The following CNTNAP2 variants were observed in gnomAD, a reference collection of about 807,000 sequenced individuals.
CNTNAP2 encodes contactin associated protein 2, also known as contactin-associated protein-like 2.
CNTNAP2 carries 98 observed loss-of-function variants against 155.2 expected under a neutral mutation model. The ratio of observed to expected loss-of-function variants is 0.63; its 90% confidence interval spans 0.54 to 0.75. The LOEUF is 0.75. Ranked by LOEUF, CNTNAP2 falls within the 30% of genes least tolerant of loss-of-function variation. The probability of loss-of-function intolerance (pLI) is 0.00; values close to 1 mark genes in which losing one functional copy is unlikely to be tolerated. For synonymous variants in CNTNAP2, 651 were observed against 631.2 expected, an observed-to-expected ratio of 1.03 and a Z score of -0.47; for missense variants, 1,727 against 1,688.1, an observed-to-expected ratio of 1.02 and a Z score of -0.40.
At chr7:146,743,566 T>A (rs1044886536) in intron 1 of CNTNAP2, among the ~76,000 whole-genome samples, 1 of 147,948 alleles carries the variant, frequency 6.8e-6, no homozygotes, top group African/African-American at 2.7e-5. Flanking sequence ...CTCCTGCCTA[T>A]GCAGTGACTT....
intron 21 of CNTNAP2, among the ~76,000 whole-genome samples, chr7:148,325,961 C>T (rs557314800): frequency 6.6e-6 from 1 of 152,198 alleles, no homozygotes; most frequent in East Asian, 1.9e-4. Flanking sequence ...CTGAGCATGC[C>T]CCAGGTGAAA....
intron 10 of CNTNAP2, among the ~76,000 whole-genome samples, chr7:147,454,871 C>T (rs1313292823): frequency 6.6e-6 from 1 of 152,054 alleles, no homozygotes; most frequent in Non-Finnish European, 1.5e-5. Context: ...TTTAATAACA[C>T]TAGGTCTGCC....
intron 8 of CNTNAP2, among the ~76,000 whole-genome samples, chr7:147,262,000 A>G (rs963946053): frequency 3.3e-5 from 5 of 152,344 alleles, no homozygotes; most frequent in African/African-American, 1.2e-4. Context: ...TTCTCATTAT[A>G]TTCATCTAAA....
intron 13 of CNTNAP2, among the ~76,000 whole-genome samples, chr7:147,688,397 T>C (rs774422387): frequency 6.6e-6 from 1 of 152,154 alleles, no homozygotes; most frequent in Non-Finnish European, 1.5e-5. Flanking sequence ...AATGCAAGCA[T>C]GCATGCTAAC....
chr7:148,064,991 A>G (rs568069537), intron 15 of CNTNAP2, among the ~76,000 whole-genome samples: 3 of 152,202 alleles, frequency 2.0e-5, no homozygotes, highest in Admixed American at 2.0e-4. Context: ...AGGTTGTGTC[A>G]TTATTATCAT....
intron 15 of CNTNAP2, among the ~76,000 whole-genome samples, chr7:148,039,481 G>T (rs1029507916): frequency 1.3e-5 from 2 of 151,982 alleles, no homozygotes; most frequent in African/African-American, 4.8e-5. Context: ...AACTCTCCAG[G>T]TATTTCTTAA....
chr7:147,426,852 T>C (rs1003169010), intron 10 of CNTNAP2, among the ~76,000 whole-genome samples: 1 of 152,142 alleles, frequency 6.6e-6, no homozygotes, highest in Admixed American at 6.5e-5. Flanking sequence ...GATGGATGAA[T>C]ACTCTTATAC....
At chr7:148,337,732 G>A (rs2373349) in intron 21 of CNTNAP2, among the ~76,000 whole-genome samples, 49,739 of 151,774 alleles carry the variant, frequency 0.33, 8,227 homozygotes, top group East Asian at 0.52. Context: ...TTGGCCCTGC[G>A]CCATGCAGAG....
chr7:148,182,777 C>G (rs1339928656), intron 18 of CNTNAP2, among the ~76,000 whole-genome samples: 1 of 152,156 alleles, frequency 6.6e-6, no homozygotes, highest in Non-Finnish European at 1.5e-5. Context: ...CTTTTCTTGG[C>G]ATTTTAAATG....
At chr7:147,179,866 G>A (rs539020601) in intron 8 of CNTNAP2, among the ~76,000 whole-genome samples, 1 of 151,096 alleles carries the variant, frequency 6.6e-6, no homozygotes, top group African/African-American at 2.4e-5. Flanking sequence ...GAGGACAAGA[G>A]GCATTTTTGA....
intron 3 of CNTNAP2, among the ~76,000 whole-genome samples, chr7:146,986,090 G>T (rs1365107651): frequency 6.6e-6 from 1 of 151,776 alleles, no homozygotes; most frequent in Middle Eastern, 3.2e-3. Flanking sequence ...TGAGATTTTG[G>T]TGCACCCATA....
chr7:146,987,999 ACT>A (rs1471230732), intron 3 of CNTNAP2, among the ~76,000 whole-genome samples: 2 of 151,992 alleles, frequency 1.3e-5, no homozygotes, highest in Non-Finnish European at 2.9e-5. Context: ...AATTCCCGTA[ACT>A]CTATTTCCAA....
chr7:147,768,565 C>T (rs890884285), intron 13 of CNTNAP2, among the ~76,000 whole-genome samples: 3 of 152,012 alleles, frequency 2.0e-5, no homozygotes, highest in Non-Finnish European at 2.9e-5. Context: ...GTATTTATTT[C>T]TTATGTTCCC....
chr7:147,247,825 C>A (rs1354507687), intron 8 of CNTNAP2, among the ~76,000 whole-genome samples: 1 of 151,936 alleles, frequency 6.6e-6, no homozygotes, highest in Non-Finnish European at 1.5e-5. Context: ...TTCTTATTTC[C>A]TTAGGAGAAG....
At chr7:147,572,302 TAA>T (rs1326970791) in intron 12 of CNTNAP2, among the ~76,000 whole-genome samples, 18 of 146,030 alleles carry the variant, frequency 1.2e-4, no homozygotes, top group Admixed American at 1.0e-3. Context: ...AACTTCAAAT[TAA>T]AAAAAAAAAA....
At chr7:148,176,751 GC>G (rs1794945351) in intron 18 of CNTNAP2, among the ~76,000 whole-genome samples, 1 of 152,166 alleles carries the variant, frequency 6.6e-6, no homozygotes, top group African/African-American at 2.4e-5. Flanking sequence ...TCAATGAGGA[GC>G]AGTTTAACTC....
At chr7:148,308,650 C>G (rs1316810476) in intron 21 of CNTNAP2, among the ~76,000 whole-genome samples, 1 of 151,714 alleles carries the variant, frequency 6.6e-6, no homozygotes, top group African/African-American at 2.4e-5. Context: ...TAGGTATACA[C>G]GTGCCATGGT....
intron 1 of CNTNAP2, among the ~76,000 whole-genome samples, chr7:146,707,500 TG>T (rs1272939751): frequency 1.3e-5 from 2 of 152,176 alleles, no homozygotes; most frequent in Non-Finnish European, 2.9e-5. Flanking sequence ...GGATTTTTTT[TG>T]TGGTTCTCTC....
intron 8 of CNTNAP2, among the ~76,000 whole-genome samples, chr7:147,254,291 C>T (rs1472461714): frequency 6.6e-6 from 1 of 152,068 alleles, no homozygotes; most frequent in Non-Finnish European, 1.5e-5. Flanking sequence ...TTTCGTAATG[C>T]CACTTACAAT....
Sources: gnomAD v4.1 joint callset for allele counts (sites outside exome capture counted in the v4.1 genomes callset) on GRCh38, gnomAD v4.1.1 for gene constraint, MANE v1.5 for transcripts, NCBI Gene and HGNC (gene_info 2026-07-23, HGNC 2026-07-21) for gene names.